The following PRDM16 variants were observed in gnomAD, a reference collection of about 807,000 sequenced individuals.
PRDM16 encodes the protein PR/SET domain 16, also known as histone-lysine N-methyltransferase PRDM16.
A neutral mutation model predicts 110.6 loss-of-function variants in PRDM16; 23 were observed. The observed-to-expected ratio is 0.21, with a 90% CI of 0.15 to 0.29. The LOEUF (loss-of-function observed/expected upper bound fraction) is 0.29. Among genes scored for constraint, PRDM16 ranks in the 10% least tolerant of loss-of-function variants. PRDM16 has a pLI of 1.00. For synonymous variants in PRDM16, 799 were observed against 781.8 expected (o/e 1.02, Z -0.37); for missense variants, 1,615 against 1,794.3 (o/e 0.90, Z 1.81).
intron 1 of PRDM16, among the ~76,000 whole-genome samples, chr1:3,114,260 G>A (rs565930864): frequency 2.6e-3 from 333 of 126,560 alleles, no homozygotes; most frequent in African/African-American, 9.9e-3. Flanking sequence ...ACACGCACGC[G>A]CACACGTACA....
chr1:3,158,875 G>A (rs1312208364), intron 1 of PRDM16, among the ~76,000 whole-genome samples: 1 of 151,382 alleles, frequency 6.6e-6, no homozygotes, highest in African/African-American at 2.4e-5. Context: ...CTGGGTTCAA[G>A]CAATTCTCCC....
chr1:3,184,228 C>G (rs796211856), intron 1 of PRDM16, among the ~76,000 whole-genome samples: 1 of 152,232 alleles, frequency 6.6e-6, no homozygotes, highest in South Asian at 2.1e-4. Context: ...GTTTTCCTTA[C>G]GACTTTTCCC....
In PRDM16 at chr1:3,432,167, C is replaced by T. The variant is rs374277205; in HGVS notation, c.3696+27C>T. 169 of 1,602,534 alleles carry T rather than the reference C, an allele frequency of 1.1e-4. No individual in the cohort carries two copies. The East Asian group carries it at 3.4e-3, about 32-fold the overall frequency. On this transcript the variant is annotated intron_variant, in intron 16 of 16. Coordinates refer to ENST00000270722, the MANE Select transcript of PRDM16 (RefSeq NM_022114.4). ...TAGGTACCCGCCAGAGCCCCTCCCC[C>T]ACCCCACCTGGCCTCCTCAGCCAGA...
rs2100616385 is a variant in PRDM16 at position 3,390,315 on chromosome 1, C to A, written c.573+5029C>A. ...CTGGGGACAGGGCTGAGGTCAAACA[C>A]AAATGTCGGGGAGCTGGACTCAGGG... On this transcript the variant is annotated intron_variant, in intron 4 of 16. Coordinates refer to ENST00000270722, the MANE Select transcript of PRDM16 (RefSeq NM_022114.4). This position sits in a 1 kb window ranked among gnomAD's most constrained non-coding sequence, Gnocchi z 5.0. Among the ~76,000 whole-genome samples, 1 of 152,270 alleles carries A rather than the reference C, an allele frequency of 6.6e-6. No individual in the cohort carries two copies. Among genetic ancestry groups the A allele is most frequent in the Admixed American group, 6.5e-5 (1 of 15,304 alleles).
At chr1:3,076,000 G>A (rs550877156) in intron 1 of PRDM16, among the ~76,000 whole-genome samples, 4 of 152,332 alleles carry the variant, frequency 2.6e-5, no homozygotes, top group South Asian at 2.1e-4. Context: ...CCCCCCACGC[G>A]TGGGGTGCCC....
At chr1:3,406,108 G>C (rs569755997) in intron 8 of PRDM16, among the ~76,000 whole-genome samples, 1 of 152,216 alleles carries the variant, frequency 6.6e-6, no homozygotes, top group East Asian at 1.9e-4. Flanking sequence ...AGGGGGCCCT[G>C]TCTGTGCCCA....
chr1:3,248,909 G>A lies in PRDM16; in HGVS notation c.438+4772G>A, dbSNP rs1326002989. 2.0e-5 allele frequency among the ~76,000 whole-genome samples: 3 copies of A among 152,324 alleles called. 1 individual carries two copies. The highest frequency in any genetic ancestry group is 6.8e-3 in the Middle Eastern group (2 of 294). On this transcript the variant is annotated intron_variant, in intron 3 of 16. Coordinates refer to ENST00000270722, the MANE Select transcript of PRDM16 (RefSeq NM_022114.4). ...TCCTGGGTCCCTCCCGTGGGGACTG[G>A]GGGCTAATGAAGGATGGCTGCTGAG... is the stretch of plus-strand genomic sequence containing the variant.
At chr1:3,181,098 GCAGTCTTACA>G (rs1644157216) in intron 1 of PRDM16, among the ~76,000 whole-genome samples, 14 of 18,332 alleles carry the variant, frequency 7.6e-4, no homozygotes, top group Non-Finnish European at 2.8e-3. Flanking sequence ...CCTTACACAC[GCAGTCTTACA>G]CGCGGCCTTA....
intron 1 of PRDM16, among the ~76,000 whole-genome samples, chr1:3,178,101 C>A (rs953414774): frequency 1.3e-5 from 2 of 152,110 alleles, no homozygotes; most frequent in South Asian, 2.1e-4. Context: ...CGGTGTTTGG[C>A]GAGCTGAGGA....
intron 3 of PRDM16, among the ~76,000 whole-genome samples, chr1:3,334,290 C>A (rs1356483847): frequency 6.6e-6 from 1 of 152,058 alleles, no homozygotes; most frequent in Non-Finnish European, 1.5e-5. Context: ...CCAGGGATTG[C>A]CGGGGTTGGA....
In PRDM16 at chr1:3,291,282, G is replaced by T. The variant is rs540750247; in HGVS notation, c.438+47145G>T. Among the ~76,000 whole-genome samples, 21 of 152,262 alleles carry T rather than the reference G, an allele frequency of 1.4e-4. No homozygotes were observed. In the South Asian group the frequency reaches 4.1e-3, roughly 30 times the overall value. ...TCCCAGGAACAGGGAACCCAGAGAG[G>T]CCTGGGCATCACACACACCTGCGCT... On this transcript the variant is annotated intron_variant, in intron 3 of 16. Transcript: ENST00000270722.
chr1:3,145,890 G>T (rs78117789), intron 1 of PRDM16, among the ~76,000 whole-genome samples: 1 of 152,144 alleles, frequency 6.6e-6, no homozygotes, highest in Non-Finnish European at 1.5e-5. Flanking sequence ...TGGGCAGCCC[G>T]GTCAGCCCGG....
At chr1:3,107,829 C>T (rs1642701153) in intron 1 of PRDM16, among the ~76,000 whole-genome samples, 1 of 152,264 alleles carries the variant, frequency 6.6e-6, no homozygotes, top group Non-Finnish European at 1.5e-5. Context: ...CTGGGCCTTG[C>T]TCAAGCCACT....
At chr1:3,096,759 C>T (rs548054152) in intron 1 of PRDM16, among the ~76,000 whole-genome samples, 1 of 152,178 alleles carries the variant, frequency 6.6e-6, no homozygotes, top group South Asian at 2.1e-4. Flanking sequence ...CTACGAGAGC[C>T]GAGCAGGGTG....
At chr1:3,212,087 A>G (rs921274068) in intron 2 of PRDM16, among the ~76,000 whole-genome samples, 1 of 152,100 alleles carries the variant, frequency 6.6e-6, no homozygotes, top group African/African-American at 2.4e-5. Flanking sequence ...GGACCCTGCT[A>G]ATTTGCACTC....
chr1:3,267,005 CTTTCT>C (rs140564215), intron 3 of PRDM16, among the ~76,000 whole-genome samples: 2 of 152,312 alleles, frequency 1.3e-5, no homozygotes, highest in East Asian at 1.9e-4. Context: ...ATCTCCTTTT[CTTTCT>C]TTTCTTAAAC....
intron 2 of PRDM16, among the ~76,000 whole-genome samples, chr1:3,239,330 C>T (rs530805166): frequency 2.6e-5 from 4 of 152,062 alleles, no homozygotes; most frequent in Admixed American, 6.5e-5. Context: ...ACATGTAGGC[C>T]GCATGGAAGC....
rs895319679 is a variant in PRDM16, at chr1:3,208,557, T to G, written c.387+22083T>G. 1.3e-5 allele frequency: 2 copies of G among 151,822 alleles called. No homozygotes were observed. Among genetic ancestry groups the G allele is most frequent in the African/African-American group, 4.8e-5 (2 of 41,254 alleles). 9.4% of individuals were successfully genotyped at this position (151,822 alleles called of 1,614,324 possible). Reference sequence around the variant, plus strand: ...GGTGGGCACCTGTAATCCCAGCTACTTGGGAGGCTGAGGCAGAAGAATCGC... The same window carrying G: ...GGTGGGCACCTGTAATCCCAGCTACGTGGGAGGCTGAGGCAGAAGAATCGC... On this transcript the variant is annotated intron_variant, in intron 2 of 16. Coordinates refer to ENST00000270722, the MANE Select transcript of PRDM16 (RefSeq NM_022114.4). This position sits in a 1 kb window ranked among gnomAD's most constrained non-coding sequence, Gnocchi z 6.1.
chr1:3,191,366 A>T (rs1054367363), intron 2 of PRDM16, among the ~76,000 whole-genome samples: 2 of 152,048 alleles, frequency 1.3e-5, no homozygotes, highest in African/African-American at 4.8e-5. Flanking sequence ...GGCCACACCA[A>T]TTCTCTGGCA....
Sources: gnomAD v4.1 joint callset for allele counts (sites outside exome capture counted in the v4.1 genomes callset) on GRCh38, gnomAD v4.1.1 for gene constraint, Gnocchi (gnomAD v3.1) non-coding constraint, MANE v1.5 for transcripts, NCBI Gene and HGNC (gene_info 2026-07-23, HGNC 2026-07-21) for gene names.